HIVEP3: variants seen among roughly 807,000 people sequenced by gnomAD.
HIVEP3 encodes the protein transcription factor HIVEP3.
A neutral mutation model predicts 152.8 loss-of-function variants in HIVEP3; 49 were observed. That is an observed-to-expected ratio of 0.32 (90% CI 0.26 to 0.41). The LOEUF is 0.41. Among genes scored for constraint, HIVEP3 ranks in the 10% least tolerant of loss-of-function variants. The probability of loss-of-function intolerance (pLI) is 1.00; values close to 1 mark genes in which losing one functional copy is unlikely to be tolerated. For synonymous variants in HIVEP3, 1,269 were observed against 1,289.0 expected, an observed-to-expected ratio of 0.98 and a Z score of 0.33; for missense variants, 2,790 against 3,103.3, an observed-to-expected ratio of 0.90 and a Z score of 2.40.
intron 1 of HIVEP3, among the ~76,000 whole-genome samples, chr1:41,904,799 G>A (rs1157755796): frequency 6.6e-6 from 1 of 152,224 alleles, no homozygotes; most frequent in South Asian, 2.1e-4. Flanking sequence ...TCTGGATTAA[G>A]GGCTGTGAGG....
At chr1:41,864,561 T>C (rs1336434168) in intron 1 of HIVEP3, 4 of 151,982 alleles carry the variant, frequency 2.6e-5, no homozygotes, top group Non-Finnish European at 5.9e-5. Flanking sequence ...CATGTGTAAG[T>C]AGACCACCTG....
chr1:41,843,076 C>T (rs1323286408), intron 1 of HIVEP3, among the ~76,000 whole-genome samples: 6 of 152,288 alleles, frequency 3.9e-5, no homozygotes, highest in African/African-American at 9.6e-5. Context: ...TCCTCCCCTC[C>T]GTTCCCCGTT....
At chr1:41,713,909 G>A (rs915446782) in intron 1 of HIVEP3, among the ~76,000 whole-genome samples, 8 of 152,224 alleles carry the variant, frequency 5.3e-5, no homozygotes, top group African/African-American at 1.9e-4. Context: ...GGAGCTGAGA[G>A]CCCCCCGAAA....
At chr1:41,910,662 C>A (rs1225108113) in intron 1 of HIVEP3, among the ~76,000 whole-genome samples, 1 of 151,824 alleles carries the variant, frequency 6.6e-6, no homozygotes, top group African/African-American at 2.4e-5. Flanking sequence ...ACAACCAAGT[C>A]AGGTTTATTC....
intron 1 of HIVEP3, chr1:41,865,729 T>TA (rs1400749318): frequency 6.6e-6 from 1 of 152,184 alleles, no homozygotes; most frequent in Admixed American, 6.5e-5. Context: ...TATAGGAACT[T>TA]ATATTTGCTG....
At chr1:41,622,165 A>G (rs573146728) in intron 3 of HIVEP3, among the ~76,000 whole-genome samples, 1 of 152,314 alleles carries the variant, frequency 6.6e-6, no homozygotes, top group Admixed American at 6.5e-5. Flanking sequence ...TGTACAGAAG[A>G]GGAAGGCCGA....
At chr1:41,537,206 TTTATA>T (rs145954127) in intron 5 of HIVEP3, among the ~76,000 whole-genome samples, 2,310 of 152,348 alleles carry the variant, frequency 0.015, 53 homozygotes, top group African/African-American at 0.05. Flanking sequence ...CTATTCTGCA[TTTATA>T]TTATGACTTT....
At chr1:41,844,789 T>C (rs896541407) in intron 1 of HIVEP3, among the ~76,000 whole-genome samples, 5 of 152,212 alleles carry the variant, frequency 3.3e-5, no homozygotes, top group Admixed American at 2.0e-4. Flanking sequence ...AGGAGTAACA[T>C]TAAACATCAG....
intron 3 of HIVEP3, among the ~76,000 whole-genome samples, chr1:41,626,286 G>C (rs1414502469): frequency 1.3e-5 from 2 of 152,244 alleles, no homozygotes; most frequent in Non-Finnish European, 2.9e-5. Context: ...CGTGCCAGCA[G>C]TGGCCGTGAT....
intron 1 of HIVEP3, among the ~76,000 whole-genome samples, chr1:41,857,995 C>G (rs1643816650): frequency 1.3e-5 from 2 of 152,044 alleles, no homozygotes; most frequent in South Asian, 4.2e-4. Flanking sequence ...CTCTCTCTCT[C>G]TCTCTCTCAC....
At position 41,533,589 on chromosome 1, in the gene HIVEP3, T is replaced by C. The variant is rs1354061809; in HGVS notation, c.5208-8679A>G. Among the ~76,000 whole-genome samples, 2 of 152,112 alleles carry C rather than the reference T, an allele frequency of 1.3e-5. No individual in the cohort carries two copies. Among genetic ancestry groups the C allele is most frequent in the African/African-American group, 4.8e-5 (2 of 41,416 alleles). On this transcript the variant is annotated intron_variant, in intron 5 of 8. Transcript: ENST00000372583. The surrounding 1 kb of genome is among the most constrained non-coding windows in gnomAD (Gnocchi z 4.3). ...CTTGCCAAGGTCACAGCTTGCTCCA[T>C]TGAAAGTCCATTTGCCTCATCCTGT...
At chr1:41,960,415 G>C (rs893032914) in intron 1 of HIVEP3, among the ~76,000 whole-genome samples, 2 of 152,152 alleles carry the variant, frequency 1.3e-5, no homozygotes, top group Non-Finnish European at 2.9e-5. Flanking sequence ...GCCTTAACTA[G>C]AGACATCTGA....
At chr1:41,796,536 C>A (rs915490881) in intron 1 of HIVEP3, among the ~76,000 whole-genome samples, 1 of 152,246 alleles carries the variant, frequency 6.6e-6, no homozygotes, top group African/African-American at 2.4e-5. Context: ...ACAGAAGGCA[C>A]TCGATTCATG....
chr1:41,697,023 T>TA (rs1646286997), intron 2 of HIVEP3, among the ~76,000 whole-genome samples: 1 of 152,204 alleles, frequency 6.6e-6, no homozygotes. Context: ...TGGCTGGTAT[T>TA]AAAGATCAAC....
Position 41,703,594 on chromosome 1 carries a change from C to T in HIVEP3, c.-800-2599G>A, listed in dbSNP as rs555698428. On this transcript the variant is annotated intron_variant, in intron 1 of 8. Coordinates refer to ENST00000372583, the MANE Select transcript of HIVEP3 (RefSeq NM_024503.5). ...TCCAATCCGTGTACAATCCCTAGAACAGTACCTGGTGCATAGTAAGGGTTA... is the reference window on the plus strand; with the variant it reads ...TCCAATCCGTGTACAATCCCTAGAATAGTACCTGGTGCATAGTAAGGGTTA... Among the ~76,000 whole-genome samples the T allele has an allele frequency of 3.9e-5, 6 of 152,292 alleles. No individual in the cohort carries two copies. In the South Asian group the frequency reaches 1.2e-3, roughly 32 times the overall value.
At chr1:41,762,295 T>C (rs932918315) in intron 1 of HIVEP3, among the ~76,000 whole-genome samples, 16 of 152,264 alleles carry the variant, frequency 1.1e-4, no homozygotes, top group African/African-American at 3.9e-4. Flanking sequence ...CAACTGTCAG[T>C]GTAATCTCAT....
chr1:41,886,248 A>C, intron 1 of HIVEP3, among the ~76,000 whole-genome samples: 1 of 152,120 alleles, frequency 6.6e-6, no homozygotes, highest in East Asian at 1.9e-4. Context: ...GTTTGGGTGT[A>C]GTGGGATTTA....
At chr1:41,661,204 C>A (rs954594805) in intron 2 of HIVEP3, among the ~76,000 whole-genome samples, 5 of 152,194 alleles carry the variant, frequency 3.3e-5, no homozygotes, top group African/African-American at 1.2e-4. Context: ...AAGGGATAGA[C>A]CCATAATTTG....
intron 5 of HIVEP3, among the ~76,000 whole-genome samples, chr1:41,548,724 C>T (rs188331639): frequency 1.1e-3 from 168 of 152,086 alleles, no homozygotes; most frequent in Admixed American, 2.2e-3. Context: ...TTAGTAAAGA[C>T]GGGGTTTTAC....
Sources: allele counts gnomAD v4.1 joint callset (sites outside exome capture counted in the v4.1 genomes callset), GRCh38; gene constraint gnomAD v4.1.1; non-coding constraint Gnocchi (gnomAD v3.1); transcripts MANE v1.5; gene names NCBI Gene and HGNC (gene_info 2026-07-23, HGNC 2026-07-21).